Variants in GRID2 observed in about 807,000 individuals in gnomAD.
GRID2 encodes the protein glutamate ionotropic receptor delta type subunit 2, also known as glutamate receptor ionotropic, delta-2.
A neutral mutation model predicts 114.8 loss-of-function variants in GRID2; 33 were observed. The ratio of observed to expected loss-of-function variants is 0.29; its 90% CI spans 0.22 to 0.38. The LOEUF (loss-of-function observed/expected upper bound fraction) is 0.38. Ranked by LOEUF, GRID2 falls within the 10% of genes least tolerant of loss-of-function variation. GRID2 has a pLI of 1.00. For missense variants in GRID2, 1,184 were observed against 1,257.7 expected, an observed-to-expected ratio of 0.94 and a Z score of 0.89; for synonymous variants, 505 against 449.9, an observed-to-expected ratio of 1.12 and a Z score of -1.55.
At chr4:93,528,040 T>G (rs1731088122) in intron 13 of GRID2, among the ~76,000 whole-genome samples, 1 of 152,162 alleles carries the variant, frequency 6.6e-6, no homozygotes. Context: ...TGTCAGAATT[T>G]CCTTCAATTT....
chr4:93,194,001 A>G (rs1741240855), intron 4 of GRID2, among the ~76,000 whole-genome samples: 1 of 152,186 alleles, frequency 6.6e-6, no homozygotes, highest in African/African-American at 2.4e-5. Context: ...AGTAATCTTC[A>G]AGAATTTTTT....
At position 92,475,582 on chromosome 4, in the gene GRID2, G is replaced by A. The variant is rs377005604; in HGVS notation, c.89-114549G>A. Among the ~76,000 whole-genome samples, 29 of 151,978 alleles carry A rather than the reference G, an allele frequency of 1.9e-4. No individual in the cohort carries two copies. The East Asian group carries it at 2.3e-3, about 12-fold the overall frequency. ...TTGCTTTGGTTACTATAGCTTTGTA[G>A]TATTTTTTGAAATCCAGGTAGAGAG... On this transcript the variant is annotated intron_variant, in intron 1 of 15. Transcript: ENST00000282020.
intron 2 of GRID2, among the ~76,000 whole-genome samples, chr4:93,012,960 A>G (rs1445857439): frequency 6.6e-6 from 1 of 152,020 alleles, no homozygotes; most frequent in African/African-American, 2.4e-5. Flanking sequence ...AATAATTAGA[A>G]TCTAAAACTC....
At chr4:93,645,620 C>T (rs1460284444) in intron 14 of GRID2, among the ~76,000 whole-genome samples, 1 of 152,124 alleles carries the variant, frequency 6.6e-6, no homozygotes, top group African/African-American at 2.4e-5. Flanking sequence ...ATCATGTTGC[C>T]TGTCTCCTGG....
chr4:93,768,176 A>G (rs1401376228), intron 14 of GRID2, among the ~76,000 whole-genome samples: 2 of 152,188 alleles, frequency 1.3e-5, no homozygotes, highest in Non-Finnish European at 2.9e-5. Context: ...TGGCTGTAAG[A>G]TCTTCTGCCA....
intron 2 of GRID2, among the ~76,000 whole-genome samples, chr4:92,989,942 C>G (rs1471577952): frequency 6.6e-6 from 1 of 151,998 alleles, no homozygotes; most frequent in African/African-American, 2.4e-5. Context: ...TTATTAAGAA[C>G]TAGGCATCAG....
chr4:93,202,341 CCAAA>C (rs1347876979), intron 4 of GRID2, among the ~76,000 whole-genome samples: 2 of 151,904 alleles, frequency 1.3e-5, no homozygotes, highest in African/African-American at 4.8e-5. Context: ...CACAATGAGC[CCAAA>C]CAACTATAAT....
chr4:92,353,316 C>A (rs1728161226), intron 1 of GRID2, among the ~76,000 whole-genome samples: 1 of 150,434 alleles, frequency 6.6e-6, no homozygotes, highest in Non-Finnish European at 1.5e-5. Flanking sequence ...TCTAGTTTTT[C>A]CAGTGTTTGG....
intron 1 of GRID2, among the ~76,000 whole-genome samples, chr4:92,408,185 A>G (rs548669914): frequency 3.0e-4 from 46 of 152,194 alleles, no homozygotes; most frequent in African/African-American, 1.0e-3. Flanking sequence ...TCCCAGAACC[A>G]TTTATTGAAT....
intron 1 of GRID2, among the ~76,000 whole-genome samples, chr4:93,806,317 CTG>C (rs904475670): frequency 2.4e-4 from 37 of 152,300 alleles, no homozygotes; most frequent in African/African-American, 8.2e-4. Context: ...TCATGTGTGA[CTG>C]TATATCGACA....
Position 93,772,171 on chromosome 4 carries a change from A to G in GRID2, c.2697A>G (p.Ser899=), listed in dbSNP as rs1481925015. The stretch of plus-strand genomic sequence containing the variant: ...CCCATAAACAGTTTTCCACCTCGTC[A>G]ATTGATTTGACCCCTCTGGACATTG... ...DSPHKQFSTS[S]IDLTPLDIDT... The change falls in exon 16 of 16, where the codon TCA becomes TCG. Residue 899 remains serine (S), a synonymous_variant. Transcript: ENST00000282020. 1.2e-6 allele frequency: 2 copies of G among 1,613,792 alleles called. No homozygotes were observed. Among genetic ancestry groups the G allele is most frequent in the African/African-American group, 2.7e-5 (2 of 74,884 alleles).
chr4:92,650,664 C>G (rs1560511305), intron 2 of GRID2, among the ~76,000 whole-genome samples: 3 of 151,684 alleles, frequency 2.0e-5, no homozygotes, highest in Non-Finnish European at 4.4e-5. Flanking sequence ...GGTGGAAGCA[C>G]TCTTCTTTCT....
At chr4:93,293,298 C>T (rs575016430) in intron 8 of GRID2, among the ~76,000 whole-genome samples, 2 of 152,230 alleles carry the variant, frequency 1.3e-5, no homozygotes, top group African/African-American at 4.8e-5. Context: ...TATCTACATC[C>T]GCTCCCATAC....
At chr4:92,414,985 C>T (rs562117581) in intron 1 of GRID2, among the ~76,000 whole-genome samples, 10 of 151,924 alleles carry the variant, frequency 6.6e-5, no homozygotes, top group East Asian at 1.9e-4. Flanking sequence ...CAAGATGTTA[C>T]GGTAGTCAGA....
chr4:92,308,036 A>T (rs373014462), intron 1 of GRID2, among the ~76,000 whole-genome samples: 2 of 152,184 alleles, frequency 1.3e-5, no homozygotes, highest in Non-Finnish European at 2.9e-5. Context: ...GCTATTCAGA[A>T]GTCGCTCTGA....
In GRID2 at chr4:93,780,797, CA is replaced by C. The variant is rs377633050; in HGVS notation, c.221+11349del. The stretch of plus-strand genomic sequence containing the variant: ...GGGGAAACCACTGAAGATTTTTAAC[CA>C]AGGGAGAAACAGGCTCTTAAAGGGG... On this transcript the variant is annotated intron_variant, in intron 1 of 1. Transcript: ENST00000637838. 2.1e-4 allele frequency among the ~76,000 whole-genome samples: 32 copies of C among 152,222 alleles called. No homozygotes were observed. In the South Asian group the frequency reaches 3.5e-3, roughly 17 times the overall value.
intron 8 of GRID2, among the ~76,000 whole-genome samples, chr4:93,289,686 C>T (rs1379400195): frequency 6.6e-6 from 1 of 152,198 alleles, no homozygotes; most frequent in East Asian, 1.9e-4. Flanking sequence ...TTCCTCTTAG[C>T]GACACAGACT....
At chr4:93,625,687 G>T (rs1394931848) in intron 13 of GRID2, among the ~76,000 whole-genome samples, 1 of 152,046 alleles carries the variant, frequency 6.6e-6, no homozygotes, top group Non-Finnish European at 1.5e-5. Context: ...AGGCCGAGGC[G>T]GGCGGATTAC....
chr4:93,614,707 G>C (rs1386082546), intron 13 of GRID2, among the ~76,000 whole-genome samples: 1 of 151,846 alleles, frequency 6.6e-6, no homozygotes, highest in Non-Finnish European at 1.5e-5. Flanking sequence ...TTTTTTTTCT[G>C]TCCTCTGATA....
Sources: allele counts gnomAD v4.1 joint callset (sites outside exome capture counted in the v4.1 genomes callset), GRCh38; gene constraint gnomAD v4.1.1; transcripts MANE v1.5; gene names NCBI Gene and HGNC (gene_info 2026-07-23, HGNC 2026-07-21).